C9: variants seen among roughly 807,000 people sequenced by gnomAD.
C9 encodes complement C9, also known as complement component C9.
In C9, 63 loss-of-function variants were observed where a neutral mutation model predicts 65.4. The observed-to-expected ratio is 0.96, with a 90% CI of 0.79 to 1.19. The LOEUF is 1.19. C9 is among the 50% of genes most tolerant of loss of function. The pLI, the probability that C9 is intolerant of heterozygous loss-of-function variation, is 0.00. For synonymous variants in C9, 229 were observed against 227.9 expected (o/e 1.00, Z -0.04); for missense variants, 744 against 670.1 (o/e 1.11, Z -1.22).
Position 39,288,767 on chromosome 5 carries a change from A to T in C9, c.1601T>A (p.Phe534Tyr), listed in dbSNP as rs1419608409. The T allele has an allele frequency of 6.2e-7, 1 of 1,612,440 alleles. No individual in the cohort carries two copies. Among genetic ancestry groups the T allele is most frequent in the Admixed American group, 1.7e-5 (1 of 59,858 alleles). The change falls in exon 10 of 11, where the codon TTT becomes TAT. Residue 534 changes from phenylalanine to tyrosine, a missense_variant. Physicochemically the swap from Phe to Tyr is conservative, Grantham distance 22. Transcript: ENST00000263408. ...GKCLCACPFK[F>Y]EGIACEISKQ... ...ACTGATTTCACAGGCAATTCCCTCA[A>T]ATTTGAATGGGCAGGCACACAAACA...
intron 1 of C9, among the ~76,000 whole-genome samples, chr5:39,346,698 G>C (rs1754203518): frequency 6.6e-6 from 1 of 152,166 alleles, no homozygotes; most frequent in African/African-American, 2.4e-5. Context: ...TGATACCAAA[G>C]TCTGGCAAAG....
chr5:39,333,356 G>T (rs1028181171), intron 4 of C9, among the ~76,000 whole-genome samples: 1 of 152,028 alleles, frequency 6.6e-6, no homozygotes, highest in Non-Finnish European at 1.5e-5. Flanking sequence ...TTCAAAGCAT[G>T]GGAATGAAGA....
At chr5:39,359,328 T>A (rs1314651434) in intron 1 of C9, among the ~76,000 whole-genome samples, 2 of 151,682 alleles carry the variant, frequency 1.3e-5, no homozygotes, top group Admixed American at 6.6e-5. Flanking sequence ...AGATGTTGAC[T>A]AAGCAATTGG....
chr5:39,311,453 A>G (rs1753483989), intron 6 of C9, 76 bp from the exon 7 acceptor site: 1 of 1,428,856 alleles, frequency 7.0e-7, no homozygotes, highest in South Asian at 1.1e-5. Flanking sequence ...TGAAATTTAG[A>G]ACTTCCATAG....
intron 2 of C9, 54 bp from the exon 3 acceptor site, chr5:39,341,754 G>A: frequency 6.5e-7 from 1 of 1,529,726 alleles, no homozygotes; most frequent in Admixed American, 1.7e-5. Flanking sequence ...AAAAGGGTAT[G>A]GTCTAAAGGT....
intron 5 of C9, among the ~76,000 whole-genome samples, chr5:39,321,578 G>A (rs550402842): frequency 2.2e-4 from 33 of 152,012 alleles, no homozygotes; most frequent in Middle Eastern, 3.4e-3. Flanking sequence ...CTTACCTACC[G>A]ATAATTATCT....
intron 1 of C9, among the ~76,000 whole-genome samples, chr5:39,355,033 A>T (rs35082787): frequency 0.58 from 88,558 of 152,006 alleles, 27,615 homozygotes; most frequent in South Asian, 0.73. Flanking sequence ...GAACTGGATT[A>T]TCTGTTTTTG....
At chr5:39,339,752 T>C (rs1256426595) in intron 4 of C9, among the ~76,000 whole-genome samples, 3 of 143,344 alleles carry the variant, frequency 2.1e-5, no homozygotes, top group South Asian at 4.7e-4. Flanking sequence ...CTGTGCCTCC[T>C]GGGTTCACAC....
At chr5:39,303,351 T>G (rs962996882) in intron 9 of C9, among the ~76,000 whole-genome samples, 1 of 151,942 alleles carries the variant, frequency 6.6e-6, no homozygotes, top group African/African-American at 2.4e-5. Context: ...AAGGAGAGAT[T>G]TTTGGGCTGG....
chr5:39,318,867 C>G (rs1032656821), intron 5 of C9, among the ~76,000 whole-genome samples: 2 of 152,168 alleles, frequency 1.3e-5, no homozygotes, highest in African/African-American at 2.4e-5. Flanking sequence ...TTGCCACTTC[C>G]CTACTTAGAT....
chr5:39,334,294 C>T (rs562031921), intron 4 of C9, among the ~76,000 whole-genome samples: 89 of 151,146 alleles, frequency 5.9e-4, no homozygotes, highest in African/African-American at 2.1e-3. Context: ...AGCGCCTCTG[C>T]CCGGCCGCAA....
At chr5:39,285,466 A>G (rs1752974626) in intron 10 of C9, among the ~76,000 whole-genome samples, 1 of 152,248 alleles carries the variant, frequency 6.6e-6, no homozygotes, top group Middle Eastern at 3.4e-3. Flanking sequence ...ACAGAGGGAA[A>G]GTTCTCAGGC....
At chr5:39,329,069 C>T (rs16868640) in intron 5 of C9, among the ~76,000 whole-genome samples, 4,569 of 152,204 alleles carry the variant, frequency 0.03, 212 homozygotes, top group African/African-American at 0.1. Context: ...CACCTGAAAC[C>T]TGATTTAGGC....
rs1055515272 is a variant in C9 at position 39,314,309 on chromosome 5, C to T, written c.870+1466G>A. 2.6e-5 allele frequency among the ~76,000 whole-genome samples: 4 copies of T among 151,732 alleles called. No individual in the cohort carries two copies. The East Asian group carries it at 5.8e-4, about 22-fold the overall frequency. ...TACTAAAAATACAAAATTAGCCAGG[C>T]GTGGTGGTGCATGCCTGTAATCCCA... On this transcript the variant is annotated intron_variant, in intron 6 of 10. Coordinates refer to ENST00000263408, the MANE Select transcript of C9 (RefSeq NM_001737.5).
At chr5:39,362,483 C>T (rs368610028) in intron 1 of C9, among the ~76,000 whole-genome samples, 63 of 152,274 alleles carry the variant, frequency 4.1e-4, no homozygotes, top group East Asian at 1.5e-3. Context: ...GAGCACGGCC[C>T]TGCCAACACC....
intron 4 of C9, among the ~76,000 whole-genome samples, chr5:39,336,197 T>A (rs1232308023): frequency 6.6e-6 from 1 of 152,132 alleles, no homozygotes; most frequent in Admixed American, 6.5e-5. Flanking sequence ...TTATTTTTAT[T>A]CCTTTTTATT....
intron 5 of C9, among the ~76,000 whole-genome samples, chr5:39,324,346 G>A (rs151109298): frequency 5.9e-5 from 9 of 152,004 alleles, no homozygotes; most frequent in Non-Finnish European, 1.2e-4. Context: ...AGAAAATCTC[G>A]AATGGCCAAA....
intron 8 of C9, among the ~76,000 whole-genome samples, chr5:39,307,909 T>A (rs572540360): frequency 6.6e-6 from 1 of 152,244 alleles, no homozygotes; most frequent in South Asian, 2.1e-4. Flanking sequence ...GGAAGCTTTG[T>A]TAAAATTAGG....
rs182063970 is a variant in C9, at chr5:39,364,003, G to T, written c.77+385C>A. 2.6e-5 allele frequency among the ~76,000 whole-genome samples: 4 copies of T among 152,298 alleles called. No individual in the cohort carries two copies. The East Asian group carries it at 7.7e-4, about 29-fold the overall frequency. ...AGGGTGATGTATCCAAATGTTAAAGGTGTCAGGCATTGAAGCAGAGTGAGG... is the reference window on the plus strand; with the variant it reads ...AGGGTGATGTATCCAAATGTTAAAGTTGTCAGGCATTGAAGCAGAGTGAGG... On this transcript the variant is annotated intron_variant, in intron 1 of 10. Coordinates refer to ENST00000263408, the MANE Select transcript of C9 (RefSeq NM_001737.5).
Sources: gnomAD v4.1 joint callset for allele counts (sites outside exome capture counted in the v4.1 genomes callset) on GRCh38, gnomAD v4.1.1 for gene constraint, MANE v1.5 for transcripts, NCBI Gene and HGNC (gene_info 2026-07-23, HGNC 2026-07-21) for gene names.